AGBL1: variants seen among roughly 807,000 people sequenced by gnomAD.
AGBL1 encodes the protein AGBL carboxypeptidase 1, also known as cytosolic carboxypeptidase 4.
A neutral mutation model predicts 118.9 loss-of-function variants in AGBL1; 130 were observed. The ratio of observed to expected loss-of-function variants is 1.09; its 90% CI spans 0.95 to 1.26. AGBL1 has a LOEUF of 1.26. Ranked by LOEUF, AGBL1 falls within the 50% of genes most tolerant of loss-of-function variation. The probability of loss-of-function intolerance (pLI) is 0.00; values close to 1 mark genes in which losing one functional copy is unlikely to be tolerated. For synonymous variants in AGBL1, 555 were observed against 478.9 expected, an observed-to-expected ratio of 1.16 and a Z score of -2.08; for missense variants, 1,584 against 1,298.1, an observed-to-expected ratio of 1.22 and a Z score of -3.38.
At chr15:86,729,883 C>T (rs576541951) in intron 22 of AGBL1, among the ~76,000 whole-genome samples, 1 of 152,284 alleles carries the variant, frequency 6.6e-6, no homozygotes, top group African/African-American at 2.4e-5. Flanking sequence ...ATTTACATTC[C>T]CACCGGCAGT....
chr15:86,229,487 T>A (rs1024441273), intron 6 of AGBL1, among the ~76,000 whole-genome samples: 1 of 152,040 alleles, frequency 6.6e-6, no homozygotes, highest in African/African-American at 2.4e-5. Flanking sequence ...TCCCACCAGG[T>A]CCCTTTGATT....
intron 22 of AGBL1, among the ~76,000 whole-genome samples, chr15:86,728,187 C>A (rs1332529696): frequency 6.6e-6 from 1 of 152,114 alleles, no homozygotes; most frequent in African/African-American, 2.4e-5. Flanking sequence ...AAGTGAGGTC[C>A]AGCAAAACTA....
chr15:86,918,623 T>C (rs1596633997), downstream of AGBL1, among the ~76,000 whole-genome samples: 1 of 152,168 alleles, frequency 6.6e-6, no homozygotes, highest in Non-Finnish European at 1.5e-5. Context: ...CTCCCCCACG[T>C]ACCTATTAAT....
chr15:86,919,827 C>T (rs1448687015), downstream of AGBL1, among the ~76,000 whole-genome samples: 1 of 152,080 alleles, frequency 6.6e-6, no homozygotes, highest in African/African-American at 2.4e-5. Context: ...CAGGATGTGT[C>T]CAGCCTGTAA....
At chr15:86,153,986 A>G (rs1383140852) in intron 3 of AGBL1, among the ~76,000 whole-genome samples, 3 of 152,262 alleles carry the variant, frequency 2.0e-5, no homozygotes, top group Non-Finnish European at 2.9e-5. Flanking sequence ...ATTCATTCCA[A>G]TTTCTCCAAA....
chr15:86,791,082 C>T (rs2078487018), intron 22 of AGBL1, among the ~76,000 whole-genome samples: 1 of 152,132 alleles, frequency 6.6e-6, no homozygotes, highest in African/African-American at 2.4e-5. Flanking sequence ...TATGAAAATC[C>T]AGTCTTTAGA....
chr15:86,995,899 T>C (rs1428040358), intron 24 of AGBL1, among the ~76,000 whole-genome samples: 1 of 152,138 alleles, frequency 6.6e-6, no homozygotes, highest in Non-Finnish European at 1.5e-5. Flanking sequence ...AGCCTCCGGG[T>C]TCTAATTTTA....
chr15:86,272,733 C>A (rs753153030), intron 15 of AGBL1, among the ~76,000 whole-genome samples: 3 of 152,182 alleles, frequency 2.0e-5, no homozygotes, highest in Non-Finnish European at 2.9e-5. Context: ...CAGAGCCAGG[C>A]TGACTAGCCT....
At chr15:86,943,152 G>T (rs2080775981) in intron 23 of AGBL1, among the ~76,000 whole-genome samples, 1 of 152,158 alleles carries the variant, frequency 6.6e-6, no homozygotes, top group Non-Finnish European at 1.5e-5. Context: ...ATAATTTAAG[G>T]ATTATTTCTC....
chr15:86,551,509 C>T (rs1382835942), intron 20 of AGBL1, among the ~76,000 whole-genome samples: 1 of 152,070 alleles, frequency 6.6e-6, no homozygotes, highest in Non-Finnish European at 1.5e-5. Context: ...GACTCAAGGA[C>T]ACATGGACAA....
Position 86,216,914 on chromosome 15 carries a change from A to G in AGBL1, c.489-8000A>G, listed in dbSNP as rs73447605. 4.7e-3 allele frequency among the ~76,000 whole-genome samples: 720 copies of G among 152,268 alleles called. 8 individuals are homozygous for G. The highest frequency in any genetic ancestry group is 0.017 in the African/African-American group (687 of 41,556). On this transcript the variant is annotated intron_variant, in intron 5 of 22. Coordinates refer to ENST00000614907, the MANE Select transcript of AGBL1 (RefSeq NM_001386094.1). ...ACTGTTCCTTGAACAGGTCAGGGCT[A>G]TTGTCACCTTACAGTGTCTGTACTG...
chr15:86,833,455 G>T (rs1250729869), intron 22 of AGBL1, among the ~76,000 whole-genome samples: 1 of 152,008 alleles, frequency 6.6e-6, no homozygotes, highest in African/African-American at 2.4e-5. Flanking sequence ...GTTTATCAGG[G>T]GTTTCTGCTT....
chr15:86,740,001 G>A (rs1407674301), intron 22 of AGBL1, among the ~76,000 whole-genome samples: 1 of 152,158 alleles, frequency 6.6e-6, no homozygotes, highest in Non-Finnish European at 1.5e-5. Context: ...TGATACATTT[G>A]CCTCCTGTTT....
chr15:86,359,611 A>G (rs531972076), intron 17 of AGBL1, among the ~76,000 whole-genome samples: 4 of 151,564 alleles, frequency 2.6e-5, no homozygotes, highest in African/African-American at 4.8e-5. Context: ...CAAGGATTGC[A>G]TTGAATCAGA....
intron 22 of AGBL1, among the ~76,000 whole-genome samples, chr15:86,834,979 G>A (rs904291627): frequency 2.0e-5 from 3 of 152,082 alleles, no homozygotes; most frequent in African/African-American, 7.2e-5. Context: ...GCAATCCCAC[G>A]ATATTTAGCA....
At chr15:86,493,897 A>T (rs888643289) in intron 18 of AGBL1, among the ~76,000 whole-genome samples, 4 of 151,882 alleles carry the variant, frequency 2.6e-5, no homozygotes, top group African/African-American at 9.7e-5. Context: ...TAGACTGTTT[A>T]GCTTCATATC....
chr15:87,017,967 G>A (rs2081623622), intron 24 of AGBL1, among the ~76,000 whole-genome samples: 1 of 140,100 alleles, frequency 7.1e-6, no homozygotes, highest in Non-Finnish European at 1.5e-5. Flanking sequence ...ACCTAAAGGA[G>A]CTGAGAAACA....
intron 22 of AGBL1, among the ~76,000 whole-genome samples, chr15:86,863,930 A>C (rs2079592246): frequency 6.6e-6 from 1 of 152,206 alleles, no homozygotes; most frequent in Non-Finnish European, 1.5e-5. Flanking sequence ...TAGTCTACAC[A>C]AACTACTTAG....
chr15:86,805,473 G>T (rs1596498219), intron 22 of AGBL1, among the ~76,000 whole-genome samples: 1 of 152,118 alleles, frequency 6.6e-6, no homozygotes, highest in East Asian at 1.9e-4. Flanking sequence ...TCTCTGCTGA[G>T]CCTTCCAACA....
Sources: gnomAD v4.1 joint callset for allele counts (sites outside exome capture counted in the v4.1 genomes callset) on GRCh38, gnomAD v4.1.1 for gene constraint, MANE v1.5 for transcripts, NCBI Gene and HGNC (gene_info 2026-07-23, HGNC 2026-07-21) for gene names.